Variants in GLIS3 observed in about 807,000 individuals in gnomAD.
GLIS3 encodes GLIS family zinc finger 3, also known as zinc finger protein GLIS3.
A neutral mutation model predicts 78.6 loss-of-function variants in GLIS3; 53 were observed. The observed-to-expected ratio is 0.67, with a 90% CI of 0.54 to 0.85. The LOEUF (loss-of-function observed/expected upper bound fraction) is 0.85. Ranked by LOEUF, GLIS3 falls within the 40% of genes least tolerant of loss-of-function variation. The pLI, the probability that GLIS3 is intolerant of heterozygous loss-of-function variation, is 0.00. For synonymous variants in GLIS3, 684 were observed against 509.9 expected (o/e 1.34, Z -4.60); for missense variants, 1,703 against 1,231.1 (o/e 1.38, Z -5.74).
At chr9:4,231,313 C>G (rs551440135) in intron 2 of GLIS3, among the ~76,000 whole-genome samples, 1 of 152,130 alleles carries the variant, frequency 6.6e-6, no homozygotes, top group East Asian at 1.9e-4. Flanking sequence ...AAGATAATGG[C>G]AAGGAGCTGT....
At chr9:3,967,307 C>T (rs781414267) in intron 4 of GLIS3, among the ~76,000 whole-genome samples, 3 of 152,140 alleles carry the variant, frequency 2.0e-5, no homozygotes, top group Non-Finnish European at 2.9e-5. Context: ...AGTTCAAGAC[C>T]AGCCTGACTA....
the GLIS3 span, among the ~76,000 whole-genome samples, chr9:4,459,171 G>C: frequency 6.6e-6 from 1 of 152,338 alleles, no homozygotes; most frequent in East Asian, 1.9e-4. Flanking sequence ...ATCCTTGTAA[G>C]AGATGATGAA....
At chr9:4,212,587 C>T (rs1341108975) in intron 2 of GLIS3, among the ~76,000 whole-genome samples, 1 of 152,166 alleles carries the variant, frequency 6.6e-6, no homozygotes, top group Non-Finnish European at 1.5e-5. Context: ...CGCCTCTCAC[C>T]TTGATTTTGA....
chr9:4,364,756 C>CTTTTTTTTTTTTTTTTTTTT, the GLIS3 span, among the ~76,000 whole-genome samples: 1 of 61,080 alleles, frequency 1.6e-5, no homozygotes, highest in Non-Finnish European at 2.9e-5. Context: ...TCATGTATTG[C>CTTTTTTTTTTTTTTTTTTTT]TTTTTTTTTT....
chr9:4,401,071 C>G, the GLIS3 span, among the ~76,000 whole-genome samples: 1 of 152,108 alleles, frequency 6.6e-6, no homozygotes, highest in African/African-American at 2.4e-5. Context: ...ACCTTAGGCA[C>G]CAGCTCAGCC....
intron 7 of GLIS3, among the ~76,000 whole-genome samples, chr9:3,896,018 C>T (rs1390367751): frequency 1.3e-5 from 2 of 152,182 alleles, no homozygotes; most frequent in Non-Finnish European, 2.9e-5. Context: ...GGAATAACTC[C>T]AAGTACTTTT....
At chr9:3,892,000 A>G (rs189414404) in intron 7 of GLIS3, among the ~76,000 whole-genome samples, 84 of 152,296 alleles carry the variant, frequency 5.5e-4, no homozygotes, top group African/African-American at 1.9e-3. Flanking sequence ...CCTAGAAGGT[A>G]GAAAAAAGGA....
intron 4 of GLIS3, among the ~76,000 whole-genome samples, chr9:4,104,237 T>C (rs1451849913): frequency 6.6e-6 from 1 of 152,094 alleles, no homozygotes; most frequent in Non-Finnish European, 1.5e-5. Context: ...ACCGATCTGC[T>C]TCCCTCCCTA....
At chr9:4,489,620 C>T in the GLIS3 span, among the ~76,000 whole-genome samples, 1 of 152,302 alleles carries the variant, frequency 6.6e-6, no homozygotes, top group East Asian at 1.9e-4. Context: ...ATATTTGGCA[C>T]CACTAACCTA....
At position 3,987,784 on chromosome 9, in the gene GLIS3, A is replaced by AAAC. The variant is rs1554665965; in HGVS notation, c.1711-50596_1711-50595insGTT. Reference sequence around the variant, plus strand: ...GGCAAAAAAAAAAAAAAAAAAAAAAAAAAACAAAACACAAACATAAACCTA... The same window carrying AAAC: ...GGCAAAAAAAAAAAAAAAAAAAAAAAAACAAAACAAAACACAAACATAAACCTA... On this transcript the variant is annotated intron_variant, in intron 4 of 10. Coordinates refer to ENST00000381971, the MANE Select transcript of GLIS3 (RefSeq NM_001042413.2). Among the ~76,000 whole-genome samples the AAAC allele has an allele frequency of 2.9e-3, 199 of 69,544 alleles. 22 individuals carry two copies. The highest frequency in any genetic ancestry group is 6.9e-3 in the African/African-American group (136 of 19,672). The allele number at this position is 69,544 out of a possible 152,430, so 45.6% of individuals were successfully genotyped here.
At chr9:4,436,810 C>CAAAAAAAAAAAA in the GLIS3 span, among the ~76,000 whole-genome samples, 1 of 53,592 alleles carries the variant, frequency 1.9e-5, no homozygotes, top group African/African-American at 7.3e-5. Context: ...GACTGCATCT[C>CAAAAAAAAAAAA]AAAAAAAAAA....
the GLIS3 span, among the ~76,000 whole-genome samples, chr9:4,460,248 A>G: frequency 6.6e-6 from 1 of 152,196 alleles, no homozygotes; most frequent in South Asian, 2.1e-4. Flanking sequence ...TAGGAAAAGA[A>G]AGATGACATC....
chr9:4,241,446 C>G (rs892510631), intron 2 of GLIS3, among the ~76,000 whole-genome samples: 2 of 152,032 alleles, frequency 1.3e-5, no homozygotes, highest in Admixed American at 1.3e-4. Context: ...TTCAAAATAG[C>G]TAGAAGAGAA....
At chr9:4,074,662 T>C (rs1448559287) in intron 4 of GLIS3, among the ~76,000 whole-genome samples, 1 of 152,236 alleles carries the variant, frequency 6.6e-6, no homozygotes, top group Non-Finnish European at 1.5e-5. Context: ...TCCATCACTA[T>C]GAAGCCAAGT....
At chr9:4,318,853 T>C (rs921131324) in intron 2 of GLIS3, among the ~76,000 whole-genome samples, 31 of 152,194 alleles carry the variant, frequency 2.0e-4, no homozygotes, top group African/African-American at 7.5e-4. Context: ...CACAGATTAC[T>C]TGCTGATTGC....
At chr9:4,415,627 A>G in the GLIS3 span, among the ~76,000 whole-genome samples, 37 of 152,326 alleles carry the variant, frequency 2.4e-4, no homozygotes, top group African/African-American at 8.9e-4. Flanking sequence ...CATATTTTGT[A>G]ATCTTTCTGC....
chr9:4,058,260 T>G (rs1426768412), intron 4 of GLIS3, among the ~76,000 whole-genome samples: 2 of 152,140 alleles, frequency 1.3e-5, no homozygotes, highest in Non-Finnish European at 2.9e-5. Flanking sequence ...GCTTTGCTTT[T>G]TATTTGTTTG....
chr9:4,132,036 G>A (rs745316615), intron 2 of GLIS3, among the ~76,000 whole-genome samples: 9 of 148,356 alleles, frequency 6.1e-5, no homozygotes, highest in Admixed American at 1.3e-4. Flanking sequence ...TAAGTCTACG[G>A]CCAATGTTTT....
chr9:3,987,749 C>G (rs1819863171), intron 4 of GLIS3, among the ~76,000 whole-genome samples: 1 of 125,522 alleles, frequency 8.0e-6, no homozygotes. Flanking sequence ...GCTGAAAACT[C>G]CCTGGATTTG....
Sources: allele counts gnomAD v4.1 joint callset (sites outside exome capture counted in the v4.1 genomes callset), GRCh38; gene constraint gnomAD v4.1.1; transcripts MANE v1.5; gene names NCBI Gene and HGNC (gene_info 2026-07-23, HGNC 2026-07-21).